HAO2: variants seen among roughly 807,000 people sequenced by gnomAD.
HAO2 encodes 2-Hydroxyacid oxidase 2.
A neutral mutation model predicts 37.4 loss-of-function variants in HAO2; 42 were observed. That is an observed-to-expected ratio of 1.12 (90% CI 0.88 to 1.45). The LOEUF is 1.45. Among genes scored for constraint, HAO2 ranks in the 40% most tolerant of loss-of-function variants. The pLI is 0.00. For missense variants in HAO2, 476 were observed against 430.2 expected (o/e 1.11, Z -0.94); for synonymous variants, 180 against 162.8 (o/e 1.11, Z -0.81).
At chr1:119,376,134 G>A (rs587710211) in intron 1 of HAO2, among the ~76,000 whole-genome samples, 7 of 152,232 alleles carry the variant, frequency 4.6e-5, no homozygotes, top group African/African-American at 1.7e-4. Context: ...TTCTACCTAT[G>A]AGCCTGTAAA....
intron 1 of HAO2, chr1:119,370,476 A>T (rs1648893515): frequency 1.3e-5 from 2 of 152,330 alleles, no homozygotes; most frequent in Middle Eastern, 3.4e-3. Flanking sequence ...TGCCTTTATT[A>T]ACAATCTAGT....
chr1:119,386,571 C>A, intron 4 of HAO2, 51 bp from the exon 5 acceptor site: 1 of 1,119,864 alleles, frequency 8.9e-7, no homozygotes, highest in Non-Finnish European at 1.4e-6. Flanking sequence ...TGGAATGCAT[C>A]AAGTAGCCTT....
chr1:119,380,524 G>A (rs1426761628), intron 1 of HAO2: 8 of 598,208 alleles, frequency 1.3e-5, no homozygotes, highest in Non-Finnish European at 2.4e-5. Context: ...TTCAAACATT[G>A]AGATTCCTGG....
At position 119,373,506 on chromosome 1, in the gene HAO2, T is replaced by A. The variant is rs116048300; in HGVS notation, c.-9+4604T>A. Among the ~76,000 whole-genome samples, 603 of 152,236 alleles carry A rather than the reference T, an allele frequency of 4.0e-3. 4 individuals are homozygous for A. The highest frequency in any genetic ancestry group is 0.017 in the Middle Eastern group (5 of 294). ...GTCCTTCTTGGCTCCATCAAGCAAG[T>A]TATTCTCATAGTCTTCCAATCCTCA... On this transcript the variant is annotated intron_variant, in intron 1 of 7. Transcript: ENST00000325945.
chr1:119,377,454 A>C (rs1455200771), intron 1 of HAO2, among the ~76,000 whole-genome samples: 1 of 152,176 alleles, frequency 6.6e-6, no homozygotes, highest in Non-Finnish European at 1.5e-5. Flanking sequence ...ACTTTCCCAC[A>C]TCTTCCTGTC....
At position 119,386,777 on chromosome 1, in the gene HAO2, G is replaced by A. The variant is rs751952683; in HGVS notation, c.717G>A (p.Gln239=). Residue 239 remains glutamine (Q), a synonymous_variant, in exon 5 of 8, where the codon CAG becomes CAA. Coordinates refer to ENST00000325945, the MANE Select transcript of HAO2 (RefSeq NM_016527.4). ...DAELAVKHNV[Q]GIIVSNHGGR... is the part of the protein sequence containing the mutation. ...AGTTAGCTGTGAAGCACAATGTCCAGGGTATCATTGTTTCCAACCATGGTG... is the reference window on the plus strand; with the variant it reads ...AGTTAGCTGTGAAGCACAATGTCCAAGGTATCATTGTTTCCAACCATGGTG... 46 of 1,613,498 alleles carry A rather than the reference G, an allele frequency of 2.9e-5. No individual in the cohort carries two copies. Among genetic ancestry groups the A allele is most frequent in the Non-Finnish European group, 2.0e-5 (24 of 1,179,586 alleles).
At chr1:119,380,720 G>A (rs776196954) in intron 1 of HAO2, 5 of 1,595,648 alleles carry the variant, frequency 3.1e-6, no homozygotes, top group South Asian at 1.1e-5. Flanking sequence ...GAGTGAATGT[G>A]AAGGCAAGAT....
At chr1:119,375,236 C>T (rs1649352212) in intron 1 of HAO2, among the ~76,000 whole-genome samples, 1 of 152,088 alleles carries the variant, frequency 6.6e-6, no homozygotes, top group Admixed American at 6.6e-5. Context: ...CTTGAATCTT[C>T]CCTTTAATTT....
At chr1:119,385,085 A>G in intron 4 of HAO2, 32 bp downstream of exon 4, 3 of 1,591,648 alleles carry the variant, frequency 1.9e-6, no homozygotes, top group Non-Finnish European at 2.6e-6. Flanking sequence ...ATGGACAGGC[A>G]TTACAAGAGG....
rs757020362 is a variant in HAO2 at position 119,384,877 on chromosome 1, C to A, written c.385C>A (p.Leu129Ile). The change falls in exon 4 of 8, where the codon CTC (leucine) becomes ATC (isoleucine). Residue 129 changes from leucine (L) to isoleucine (I), a missense_variant. Leu to Ile is a conservative substitution (Grantham distance 5). Coordinates refer to ENST00000325945, the MANE Select transcript of HAO2 (RefSeq NM_016527.4). ...TCCCGAAGGCCTCCGATGGTTCCAACTCTATGTGCATCCAGACCTGCAGCT... is the reference window on the plus strand; with the variant it reads ...TCCCGAAGGCCTCCGATGGTTCCAAATCTATGTGCATCCAGACCTGCAGCT... ...AAPEGLRWFQ[L>I]YVHPDLQLNK... 12 of 1,613,752 alleles carry A rather than the reference C, an allele frequency of 7.4e-6. No homozygotes were observed. Among genetic ancestry groups the A allele is most frequent in the Non-Finnish European group, 9.3e-6 (11 of 1,179,744 alleles).
chr1:119,392,720 T>A, intron 7 of HAO2, 33 bp downstream of exon 7: 1 of 1,264,476 alleles, frequency 7.9e-7, no homozygotes, highest in Non-Finnish European at 1.2e-6. Context: ...ATTTGGAACT[T>A]AAAGCAGGAT....
intron 2 of HAO2, 103 bp downstream of exon 2, chr1:119,381,319 A>G: frequency 1.2e-6 from 1 of 810,778 alleles, no homozygotes; most frequent in Non-Finnish European, 2.1e-6. Flanking sequence ...AACACAGATC[A>G]CTCAAGACCT....
intron 4 of HAO2, 182 bp downstream of exon 4, chr1:119,385,235 C>A (rs1456332448): frequency 1.0e-6 from 1 of 984,210 alleles, no homozygotes; most frequent in Non-Finnish European, 1.2e-6. Flanking sequence ...AGTTTCCAGA[C>A]AAGCACAATC....
intron 6 of HAO2, 166 bp from the exon 7 acceptor site, chr1:119,392,450 CCT>C: frequency 1.4e-6 from 1 of 706,502 alleles, no homozygotes; most frequent in Non-Finnish European, 2.5e-6. Context: ...GCTTTCATCC[CCT>C]ATCTTTGTCT....
intron 4 of HAO2, chr1:119,385,490 C>A: frequency 2.6e-6 from 2 of 777,584 alleles, no homozygotes; most frequent in South Asian, 5.8e-5. Context: ...AAGTGACTGG[C>A]CAGACAGTCT....
chr1:119,385,937 T>C (rs1387961451), intron 4 of HAO2: 1 of 964,652 alleles, frequency 1.0e-6, no homozygotes, highest in Non-Finnish European at 1.2e-6. Context: ...TTAGTTCTTA[T>C]CCTGGGTATG....
intron 1 of HAO2, among the ~76,000 whole-genome samples, chr1:119,370,514 CA>C (rs1648896536): frequency 6.6e-6 from 1 of 152,180 alleles, no homozygotes; most frequent in Non-Finnish European, 1.5e-5. Context: ...CTAGAAATTT[CA>C]AAGGGGCCAT....
chr1:119,392,010 G>A (rs1650951200), intron 5 of HAO2, 100 bp from the exon 6 acceptor site: 1 of 1,020,720 alleles, frequency 9.8e-7, no homozygotes, highest in Non-Finnish European at 1.4e-6. Context: ...AAATTGTCAA[G>A]GGCGTCTCCT....
intron 5 of HAO2, among the ~76,000 whole-genome samples, chr1:119,388,869 C>A (rs1650597347): frequency 6.6e-6 from 1 of 151,490 alleles, no homozygotes; most frequent in African/African-American, 2.4e-5. Context: ...TTTGGTGCAA[C>A]CATCACCTGA....
Sources: gnomAD v4.1 joint callset for allele counts (sites outside exome capture counted in the v4.1 genomes callset) on GRCh38, gnomAD v4.1.1 for gene constraint, MANE v1.5 for transcripts, NCBI Gene and HGNC (gene_info 2026-07-23, HGNC 2026-07-21) for gene names.